Variants in RALGPS1 observed in about 807,000 individuals in gnomAD.
RALGPS1 encodes the protein Ral GEF with PH domain and SH3 binding motif 1.
In RALGPS1, 19 loss-of-function variants were observed where a neutral mutation model predicts 78.8. That is an observed-to-expected ratio of 0.24 (90% CI 0.17 to 0.35). RALGPS1 has a LOEUF of 0.35. Among genes scored for constraint, RALGPS1 ranks in the 10% least tolerant of loss-of-function variants. The probability of loss-of-function intolerance (pLI) is 1.00; values close to 1 mark genes in which losing one functional copy is unlikely to be tolerated. For synonymous variants in RALGPS1, 228 were observed against 256.3 expected (o/e 0.89, Z 1.06); for missense variants, 454 against 688.3 (o/e 0.66, Z 3.81).
chr9:126,939,214 ACTAT>A (rs1195261043), intron 1 of RALGPS1, among the ~76,000 whole-genome samples: 4 of 152,138 alleles, frequency 2.6e-5, no homozygotes, highest in Admixed American at 2.6e-4. Context: ...GTCCCTTTGT[ACTAT>A]CCTTCAGCCT....
chr9:127,089,285 G>C (rs1231182839), intron 8 of RALGPS1: 2 of 794,172 alleles, frequency 2.5e-6, no homozygotes, highest in Admixed American at 4.9e-5. Context: ...TGGGTGGTGA[G>C]AGGCCATGCT....
intron 8 of RALGPS1, among the ~76,000 whole-genome samples, chr9:127,117,508 C>T (rs761781703): frequency 6.6e-6 from 1 of 152,182 alleles, no homozygotes; most frequent in African/African-American, 2.4e-5. Context: ...AAGGGGTCCA[C>T]GGTAGTAGGT....
chr9:127,098,557 T>G (rs1036050971), intron 8 of RALGPS1, among the ~76,000 whole-genome samples: 1 of 152,110 alleles, frequency 6.6e-6, no homozygotes, highest in African/African-American at 2.4e-5. Context: ...TCAGGAGGCC[T>G]CCAGAGGAGG....
intron 1 of RALGPS1, among the ~76,000 whole-genome samples, chr9:126,949,458 A>T (rs1246370629): frequency 4.6e-5 from 7 of 152,152 alleles, no homozygotes; most frequent in African/African-American, 1.2e-4. Context: ...GTTTCTCCAC[A>T]TCCTCTCCAG....
chr9:127,132,108 G>T (rs1316489113), intron 8 of RALGPS1, among the ~76,000 whole-genome samples: 1 of 152,180 alleles, frequency 6.6e-6, no homozygotes, highest in Non-Finnish European at 1.5e-5. Flanking sequence ...GCAGATGCTG[G>T]TTACGTATCA....
At chr9:127,045,483 A>T (rs1200470653) in intron 5 of RALGPS1, among the ~76,000 whole-genome samples, 2 of 152,206 alleles carry the variant, frequency 1.3e-5, no homozygotes, top group Non-Finnish European at 2.9e-5. Flanking sequence ...TGTGTACTGG[A>T]ATCAAACAAT....
chr9:127,088,839 C>A, intron 8 of RALGPS1: 3 of 1,387,624 alleles, frequency 2.2e-6, no homozygotes, highest in Non-Finnish European at 3.0e-6. Flanking sequence ...TCCTCCCAGC[C>A]TCAGGATGAA....
chr9:127,079,639 G>A (rs1248381301), intron 8 of RALGPS1: 1 of 152,186 alleles, frequency 6.6e-6, no homozygotes, highest in Non-Finnish European at 1.5e-5. Flanking sequence ...GTGTGAAGAG[G>A]CCCGTGTGGC....
chr9:127,181,749 C>T (rs1411433936), intron 11 of RALGPS1, among the ~76,000 whole-genome samples: 1 of 152,074 alleles, frequency 6.6e-6, no homozygotes, highest in East Asian at 1.9e-4. Flanking sequence ...CTTTCTCCAT[C>T]TCTTTGGCCT....
intron 8 of RALGPS1, among the ~76,000 whole-genome samples, chr9:127,145,588 T>C (rs182811197): frequency 1.9e-4 from 29 of 152,362 alleles, no homozygotes; most frequent in African/African-American, 6.5e-4. Context: ...GCCCTCCATC[T>C]TTCTGACTCA....
chr9:127,212,878 G>C lies in RALGPS1; in HGVS notation c.1447-66G>C, dbSNP rs551020043. 1 of 1,607,676 alleles carries C rather than the reference G, an allele frequency of 6.2e-7. No homozygotes were observed. The highest frequency in any genetic ancestry group is 1.3e-5 in the African/African-American group (1 of 74,704). On this transcript the variant is annotated intron_variant, in intron 16 of 18. Transcript: ENST00000259351. This position sits in a 1 kb window ranked among gnomAD's most constrained non-coding sequence, Gnocchi z 6.0. ...AGGGAGGAAGCCTTGCCTGGCCCAC[G>C]TCGGCCTCCCTTGTGGAGTGGAGGG...
chr9:127,018,210 C>G (rs1253719988), intron 4 of RALGPS1, among the ~76,000 whole-genome samples: 1 of 151,524 alleles, frequency 6.6e-6, no homozygotes, highest in East Asian at 1.9e-4. Context: ...AAGACTCCGT[C>G]TCAAACAAAA....
chr9:127,195,305 G>C (rs1437050727), intron 12 of RALGPS1, 88 bp downstream of exon 12: 2 of 1,525,058 alleles, frequency 1.3e-6, no homozygotes, highest in East Asian at 2.3e-5. Context: ...TTGCTGGCTG[G>C]GTCCCTCCCC....
chr9:127,134,008 C>CCA (rs1564640964), intron 8 of RALGPS1, among the ~76,000 whole-genome samples: 1 of 151,334 alleles, frequency 6.6e-6, no homozygotes, highest in Non-Finnish European at 1.5e-5. Context: ...GTCCTCGCTC[C>CCA]CCCCCCCGTG....
At chr9:127,130,277 T>C (rs1417509855) in intron 8 of RALGPS1, among the ~76,000 whole-genome samples, 1 of 152,234 alleles carries the variant, frequency 6.6e-6, no homozygotes, top group Non-Finnish European at 1.5e-5. Context: ...AAGTGAGACA[T>C]TGTGAGTACA....
At chr9:127,151,893 T>C (rs934586382) in intron 8 of RALGPS1, among the ~76,000 whole-genome samples, 1 of 152,156 alleles carries the variant, frequency 6.6e-6, no homozygotes, top group African/African-American at 2.4e-5. Context: ...TGTCCCCTTA[T>C]GTTCTTTCTT....
At chr9:127,043,438 A>T (rs971282289) in intron 5 of RALGPS1, among the ~76,000 whole-genome samples, 1 of 151,904 alleles carries the variant, frequency 6.6e-6, no homozygotes, top group Non-Finnish European at 1.5e-5. Flanking sequence ...CAGACCTTAG[A>T]CCTTTCCTAA....
chr9:127,004,060 T>C (rs545868316), intron 4 of RALGPS1, among the ~76,000 whole-genome samples: 20 of 152,368 alleles, frequency 1.3e-4, no homozygotes, highest in African/African-American at 4.6e-4. Context: ...CCAATTTTTA[T>C]GGTTAGTATC....
At position 127,052,273 on chromosome 9, in the gene RALGPS1, A is replaced by G. The variant is rs904293149; in HGVS notation, c.391-574A>G. Among the ~76,000 whole-genome samples, 6 of 152,336 alleles carry G rather than the reference A, an allele frequency of 3.9e-5. No homozygotes were observed. The South Asian group carries it at 8.3e-4, about 21-fold the overall frequency. ...GAACAGAGCAGTCGCATTTTTCTGC[A>G]CTTACACTCGACTGTGTCTCATTCT... On this transcript the variant is annotated intron_variant, in intron 6 of 18. Transcript: ENST00000259351.
Sources: allele counts gnomAD v4.1 joint callset (sites outside exome capture counted in the v4.1 genomes callset), GRCh38; gene constraint gnomAD v4.1.1; non-coding constraint Gnocchi (gnomAD v3.1); transcripts MANE v1.5; gene names NCBI Gene and HGNC (gene_info 2026-07-23, HGNC 2026-07-21).